The following ASH1L variants were observed in gnomAD, a reference collection of about 807,000 sequenced individuals.
ASH1L encodes ASH1 like histone lysine methyltransferase.
A neutral mutation model predicts 269.0 loss-of-function variants in ASH1L; 23 were observed. The observed-to-expected ratio is 0.09, with a 90% CI of 0.06 to 0.12. The LOEUF is 0.12. Among genes scored for constraint, ASH1L ranks in the 10% least tolerant of loss-of-function variants. The pLI, the probability that ASH1L is intolerant of heterozygous loss-of-function variation, is 1.00. For synonymous variants in ASH1L, 1,187 were observed against 1,253.5 expected (o/e 0.95, Z 1.12); for missense variants, 2,912 against 3,567.8 (o/e 0.82, Z 4.68).
chr1:155,466,913 A>G (rs968797930), intron 3 of ASH1L, among the ~76,000 whole-genome samples: 7 of 152,130 alleles, frequency 4.6e-5, no homozygotes, highest in East Asian at 1.9e-4. Context: ...AAAACTCAGT[A>G]TTCTTTGCTT....
intron 1 of ASH1L, among the ~76,000 whole-genome samples, chr1:155,554,059 T>G (rs1470992760): frequency 1.3e-5 from 2 of 150,576 alleles, no homozygotes; most frequent in Non-Finnish European, 3.0e-5. Flanking sequence ...CCACTCAAAG[T>G]GTAAGCCACT....
At chr1:155,364,081 C>A (rs1436848532) in intron 12 of ASH1L, among the ~76,000 whole-genome samples, 2 of 151,746 alleles carry the variant, frequency 1.3e-5, no homozygotes, top group Non-Finnish European at 2.9e-5. Context: ...ATCGCTTGAG[C>A]CCAAGAGTTT....
rs58594125 is a variant in ASH1L at position 155,557,270 on chromosome 1, AT to A, written c.-100+4882del. Among the ~76,000 whole-genome samples the A allele has an allele frequency of 9.4e-5, 14 of 149,266 alleles. 1 individual carries two copies. In the South Asian group the frequency reaches 1.5e-3, roughly 16 times the overall value. On this transcript the variant is annotated intron_variant, in intron 1 of 27. Coordinates refer to ENST00000392403, the MANE Select transcript of ASH1L (RefSeq NM_018489.3). ...CTAGAAGTCATTATTTTATTTATTT[AT>A]TTTTTTTTTGAGACAGAGTCTCGCT... is the stretch of plus-strand genomic sequence containing the variant.
intron 2 of ASH1L, among the ~76,000 whole-genome samples, chr1:155,515,042 C>A (rs1365235506): frequency 6.6e-6 from 1 of 152,140 alleles, no homozygotes; most frequent in East Asian, 1.9e-4. Flanking sequence ...AGGTCATGGT[C>A]ACCGTTTGGT....
At chr1:155,356,725 T>G (rs1442669451) in intron 15 of ASH1L, among the ~76,000 whole-genome samples, 1 of 151,980 alleles carries the variant, frequency 6.6e-6, no homozygotes, top group African/African-American at 2.4e-5. Context: ...CAAGTAATTT[T>G]CCTGCCTCAG....
intron 15 of ASH1L, among the ~76,000 whole-genome samples, chr1:155,356,088 C>G (rs1026342536): frequency 6.6e-6 from 1 of 151,916 alleles, no homozygotes; most frequent in Non-Finnish European, 1.5e-5. Context: ...CAGGCATGCA[C>G]CACCATGCCT....
intron 4 of ASH1L, among the ~76,000 whole-genome samples, chr1:155,446,462 C>T (rs1273403888): frequency 6.6e-6 from 1 of 151,426 alleles, no homozygotes; most frequent in African/African-American, 2.4e-5. Flanking sequence ...CCACGCCCGG[C>T]TAATTTTTGT....
At chr1:155,559,307 G>C (rs113249744) in intron 1 of ASH1L, among the ~76,000 whole-genome samples, 1 of 152,126 alleles carries the variant, frequency 6.6e-6, no homozygotes, top group African/African-American at 2.4e-5. Context: ...GGGAGGCCGA[G>C]GCGGGTGGAT....
At position 155,481,467 on chromosome 1, in the gene ASH1L, T is replaced by G; in HGVS notation, c.1403A>C (p.Asn468Thr). The G allele has an allele frequency of 6.2e-7, 1 of 1,614,146 alleles. No homozygotes were observed. The highest frequency in any genetic ancestry group is 8.5e-7 in the Non-Finnish European group (1 of 1,179,992). The change falls in exon 3 of 28, where the codon AAT (asparagine) becomes ACT (threonine). Residue 468 changes from asparagine to threonine, a missense_variant. Transcript: ENST00000392403. ...DSATSKTFEK[N>T]VVRQNKESIL... ...GCTTTCTTTATTCTGCCGTACAACA[T>G]TCTTTTCAAAAGTTTTGCTGGTGGC...
intron 3 of ASH1L, among the ~76,000 whole-genome samples, chr1:155,472,002 GA>G (rs1665138576): frequency 6.6e-6 from 1 of 152,016 alleles, no homozygotes; most frequent in African/African-American, 2.4e-5. Context: ...TTATAAAGAA[GA>G]AAAAAAGCCA....
At chr1:155,446,536 C>T (rs1301271632) in intron 4 of ASH1L, among the ~76,000 whole-genome samples, 1 of 148,320 alleles carries the variant, frequency 6.7e-6, no homozygotes, top group Non-Finnish European at 1.5e-5. Context: ...TGGGCTCAAG[C>T]GATCCACACA....
At chr1:155,516,229 T>A (rs1041124480) in intron 2 of ASH1L, among the ~76,000 whole-genome samples, 1 of 151,998 alleles carries the variant, frequency 6.6e-6, no homozygotes, top group Non-Finnish European at 1.5e-5. Flanking sequence ...ATGAAAAAAA[T>A]TATATATAAT....
intron 1 of ASH1L, among the ~76,000 whole-genome samples, chr1:155,538,210 T>C (rs1670184639): frequency 6.6e-6 from 1 of 151,556 alleles, no homozygotes. Flanking sequence ...TCTTTAGTAC[T>C]TATATTTTGC....
Position 155,480,767 on chromosome 1 carries a change from A to C in ASH1L, c.2103T>G (p.Ser701Arg). The change falls in exon 3 of 28, where the codon AGT (serine) becomes AGG (arginine). Residue 701 changes from serine to arginine, a missense_variant. Physicochemically the swap from Ser to Arg is moderately radical, Grantham distance 110. Transcript: ENST00000392403. ...TTAATGGTTTGGACTGCAAACTAGT[A>C]CTTAGGCTTTCAGCAACTTGGCAGT... is the stretch of plus-strand genomic sequence containing the variant. ...DKHCQVAESL[S>R]TSLQSKPLKK... is the part of the protein sequence containing the mutation. The C allele has an allele frequency of 6.2e-7, 1 of 1,613,832 alleles. No homozygotes were observed. The highest frequency in any genetic ancestry group is 8.5e-7 in the Non-Finnish European group (1 of 1,179,980).
chr1:155,481,138 A>C lies in ASH1L; in HGVS notation c.1732T>G (p.Leu578Val), dbSNP rs1655907544. The change falls in exon 3 of 28, where the codon TTG becomes GTG. Residue 578 changes from leucine to valine, a missense_variant. Leu to Val is a conservative substitution (Grantham distance 32, BLOSUM62 1). Coordinates refer to ENST00000392403, the MANE Select transcript of ASH1L (RefSeq NM_018489.3). ...CTTAAAAGTAATGGATTAGGAGCCA[A>C]CTGTGAAGAAGTTTCAGGGGGACTT... ...TRSPPETSSQ[L>V]APNPLLLSST... 3 of 1,614,158 alleles carry C rather than the reference A, an allele frequency of 1.9e-6. No individual in the cohort carries two copies. Among genetic ancestry groups the C allele is most frequent in the Non-Finnish European group, 2.5e-6 (3 of 1,179,992 alleles).
chr1:155,539,305 C>T (rs891361522), intron 1 of ASH1L, among the ~76,000 whole-genome samples: 62 of 151,942 alleles, frequency 4.1e-4, no homozygotes, highest in Non-Finnish European at 4.7e-4. Context: ...ACATAGAGTT[C>T]CTCTCCAATT....
chr1:155,455,691 T>C (rs945134268), intron 4 of ASH1L, among the ~76,000 whole-genome samples: 3 of 152,212 alleles, frequency 2.0e-5, no homozygotes, highest in Admixed American at 1.3e-4. Context: ...TTTTGAAAGC[T>C]CAGGTTTATA....
chr1:155,455,190 G>A (rs1000923197), intron 4 of ASH1L, among the ~76,000 whole-genome samples: 3 of 152,120 alleles, frequency 2.0e-5, no homozygotes, highest in Non-Finnish European at 4.4e-5. Flanking sequence ...TAAGAGAGAT[G>A]TAAACTTTAA....
upstream of ASH1L, chr1:155,562,868 C>T (rs1322380982): frequency 4.3e-6 from 2 of 462,074 alleles, no homozygotes; most frequent in Admixed American, 4.9e-5. Flanking sequence ...CGGCCACCAA[C>T]CGCCGCCACG....
Sources: allele counts gnomAD v4.1 joint callset (sites outside exome capture counted in the v4.1 genomes callset), GRCh38; gene constraint gnomAD v4.1.1; transcripts MANE v1.5; gene names NCBI Gene and HGNC (gene_info 2026-07-23, HGNC 2026-07-21).